SORL1: variants seen among roughly 807,000 people sequenced by gnomAD.
The protein encoded by SORL1 is sortilin-related receptor.
SORL1 carries 127 observed loss-of-function variants against 273.7 expected under a neutral mutation model. That is an observed-to-expected ratio of 0.46 (90% CI 0.40 to 0.54). The LOEUF is 0.54. Among genes scored for constraint, SORL1 ranks in the 20% least tolerant of loss-of-function variants. The pLI, the probability that SORL1 is intolerant of heterozygous loss-of-function variation, is 0.00. For synonymous variants in SORL1, 1,031 were observed against 1,067.4 expected (o/e 0.97, Z 0.66); for missense variants, 2,494 against 2,846.1 (o/e 0.88, Z 2.81).
chr11:121,502,987 C>T (rs1195668662), intron 6 of SORL1, among the ~76,000 whole-genome samples: 1 of 152,048 alleles, frequency 6.6e-6, no homozygotes, highest in Non-Finnish European at 1.5e-5. Flanking sequence ...CCTCCTATCT[C>T]AGCCTCCCAA....
At chr11:121,610,661 C>T (rs916833710) in intron 38 of SORL1, 9 of 157,530 alleles carry the variant, frequency 5.7e-5, no homozygotes, top group Non-Finnish European at 8.4e-5. Flanking sequence ...GCCACACGCA[C>T]GTTTACCATT....
At chr11:121,454,021 T>C (rs1860859616) in intron 1 of SORL1, among the ~76,000 whole-genome samples, 1 of 152,270 alleles carries the variant, frequency 6.6e-6, no homozygotes, top group Admixed American at 6.5e-5. Context: ...GGCATGTAAC[T>C]AATGGTGGCC....
intron 12 of SORL1, among the ~76,000 whole-genome samples, chr11:121,540,731 G>A (rs571431761): frequency 2.6e-5 from 4 of 152,278 alleles, no homozygotes; most frequent in African/African-American, 9.6e-5. Flanking sequence ...TCAGATACAA[G>A]CTATGCTTGG....
At chr11:121,610,862 C>A (rs1376549430) in intron 38 of SORL1, 4 of 477,194 alleles carry the variant, frequency 8.4e-6, no homozygotes, top group Admixed American at 3.6e-5. Context: ...GCCGACTGAG[C>A]CAAGATAGTT....
chr11:121,590,498 C>T (rs1437780407), intron 30 of SORL1: 1 of 506,736 alleles, frequency 2.0e-6, no homozygotes, highest in Non-Finnish European at 3.5e-6. Context: ...TCACCCCAGA[C>T]CTACAGAGTC....
At chr11:121,483,717 A>G (rs894295901) in intron 3 of SORL1, among the ~76,000 whole-genome samples, 2 of 152,216 alleles carry the variant, frequency 1.3e-5, no homozygotes, top group African/African-American at 4.8e-5. Flanking sequence ...GCCAGGCAGC[A>G]CAGAGACTTA....
intron 32 of SORL1, among the ~76,000 whole-genome samples, chr11:121,599,409 C>T (rs111664410): frequency 1.6e-4 from 24 of 152,094 alleles, no homozygotes; most frequent in African/African-American, 5.1e-4. Flanking sequence ...CTGGGCATGG[C>T]GGCGCATGCC....
intron 30 of SORL1, chr11:121,590,605 G>A: frequency 1.7e-6 from 1 of 588,900 alleles, no homozygotes; most frequent in Non-Finnish European, 3.0e-6. Flanking sequence ...TTCCTTTCTG[G>A]CATTCTCATC....
intron 22 of SORL1, among the ~76,000 whole-genome samples, chr11:121,569,948 G>A (rs956064237): frequency 4.0e-5 from 6 of 151,786 alleles, no homozygotes; most frequent in East Asian, 1.9e-4. Flanking sequence ...CTTTTTTTAC[G>A]CTGTCCCTTT....
chr11:121,555,352 G>T, intron 18 of SORL1, 34 bp downstream of exon 18: 14 of 1,609,656 alleles, frequency 8.7e-6, no homozygotes, highest in Non-Finnish European at 1.1e-5. Flanking sequence ...TTAATTAAGG[G>T]AGCAGGCGGG....
intron 8 of SORL1, among the ~76,000 whole-genome samples, chr11:121,518,573 C>G (rs1043544632): frequency 6.6e-6 from 1 of 152,172 alleles, no homozygotes; most frequent in Non-Finnish European, 1.5e-5. Flanking sequence ...GATGATAACC[C>G]TCAGAGAGGT....
intron 11 of SORL1, among the ~76,000 whole-genome samples, chr11:121,525,327 A>G (rs993594426): frequency 3.3e-5 from 5 of 152,184 alleles, no homozygotes; most frequent in African/African-American, 1.2e-4. Context: ...GTTGTATCCC[A>G]TTGTAGGGAT....
In SORL1 at chr11:121,608,119, A is replaced by C. The variant is rs1367426040; in HGVS notation, c.5182A>C (p.Ser1728Arg). ...ATTTGAAAAGGTGGCTGCGGTGACT[A>C]GTCGTGGAATAGGAAACTGGAGCGA... ...LYTVRVAAVT[S>R]RGIGNWSDSK... Residue 1728 changes from serine to arginine, a missense_variant, in exon 38 of 48, where the codon AGT (serine) becomes CGT (arginine). Around this residue, in one of 3 missense-constraint regions of SORL1, gnomAD observed 1,609 missense variants for 1,816.4 expected, o/e 0.89. Transcript: ENST00000260197. 6.2e-7 allele frequency: 1 copy of C among 1,613,772 alleles called. No individual in the cohort carries two copies. Among genetic ancestry groups the C allele is most frequent in the Non-Finnish European group, 8.5e-7 (1 of 1,179,752 alleles).
chr11:121,523,491 G>A (rs1210680175), intron 11 of SORL1, among the ~76,000 whole-genome samples: 1 of 151,886 alleles, frequency 6.6e-6, no homozygotes, highest in Non-Finnish European at 1.5e-5. Context: ...CTCTCTTTTT[G>A]CCTTAAGGTT....
intron 1 of SORL1, among the ~76,000 whole-genome samples, chr11:121,458,724 G>T (rs562905866): frequency 6.6e-6 from 1 of 152,336 alleles, no homozygotes; most frequent in South Asian, 2.1e-4. Context: ...CGAAGAAGTG[G>T]CATGGGCGGC....
rs1249268705 is a variant in SORL1, at chr11:121,550,681, T to C, written c.2266+11T>C. The C allele has an allele frequency of 1.2e-6, 2 of 1,605,766 alleles. No individual in the cohort carries two copies. The highest frequency in any genetic ancestry group is 1.7e-5 in the Admixed American group (1 of 59,932). ...CCTGTCCCCTGGCAGGTAAGAGAGGTGGTTTCTTCCCTTTCATTTCTTGAG... is the reference window on the plus strand; with the variant it reads ...CCTGTCCCCTGGCAGGTAAGAGAGGCGGTTTCTTCCCTTTCATTTCTTGAG... On this transcript the variant is annotated intron_variant, in intron 16 of 47. Coordinates refer to ENST00000260197, the MANE Select transcript of SORL1 (RefSeq NM_003105.6). This position sits in a 1 kb window ranked among gnomAD's most constrained non-coding sequence, Gnocchi z 5.3.
chr11:121,570,562 A>G (rs1042685519), intron 23 of SORL1, among the ~76,000 whole-genome samples: 5 of 152,234 alleles, frequency 3.3e-5, no homozygotes, highest in East Asian at 3.8e-4. Flanking sequence ...TGATTTGGCA[A>G]TCTGGGCTCT....
At chr11:121,529,794 A>G (rs985627356) in intron 11 of SORL1, among the ~76,000 whole-genome samples, 2 of 152,190 alleles carry the variant, frequency 1.3e-5, no homozygotes, top group Non-Finnish European at 2.9e-5. Flanking sequence ...TGCTTAGGCC[A>G]TTAACATTTA....
Position 121,545,419 on chromosome 11 carries a change from G to A in SORL1, c.2041G>A (p.Asp681Asn). ...GTCCAACTGCTCCTGCACCCGGGAG[G>A]ACTATGAGTGGTCAGTTCTTCTTTG... Reference protein sequence around the residue: ...VVSNCSCTREDYECDFGFKMS... With the variant: ...VVSNCSCTRENYECDFGFKMS... The change falls in exon 14 of 48, where the codon GAC (aspartate) becomes AAC (asparagine). Residue 681 changes from aspartate to asparagine, a missense_variant. Coordinates refer to ENST00000260197, the MANE Select transcript of SORL1 (RefSeq NM_003105.6). The A allele has an allele frequency of 6.2e-7, 1 of 1,614,048 alleles. No homozygotes were observed. Among genetic ancestry groups the A allele is most frequent in the Non-Finnish European group, 8.5e-7 (1 of 1,179,976 alleles).
Sources: gnomAD v4.1 joint callset for allele counts (sites outside exome capture counted in the v4.1 genomes callset) on GRCh38, gnomAD v4.1.1 for gene constraint, gnomAD v4.1.1 regional missense constraint, Gnocchi (gnomAD v3.1) non-coding constraint, MANE v1.5 for transcripts, NCBI Gene and HGNC (gene_info 2026-07-23, HGNC 2026-07-21) for gene names.